FA2H: variants seen among roughly 807,000 people sequenced by gnomAD.
FA2H encodes the protein fatty acid alpha-hydroxylase.
Under a neutral mutation model 44.9 loss-of-function variants are expected in FA2H, and 22 were observed. The observed-to-expected ratio is 0.49, with a 90% CI of 0.35 to 0.70. The LOEUF (loss-of-function observed/expected upper bound fraction) is 0.70. FA2H is among the 30% of genes least tolerant of loss of function. FA2H has a pLI of 0.01. For synonymous variants in FA2H, 243 were observed against 213.2 expected (o/e 1.14, Z -1.22); for missense variants, 501 against 504.9 (o/e 0.99, Z 0.07).
At chr16:74,743,885 A>C (rs1962362999) in intron 1 of FA2H, among the ~76,000 whole-genome samples, 2 of 152,334 alleles carry the variant, frequency 1.3e-5, no homozygotes, top group South Asian at 4.1e-4. Context: ...AACCAGAGCC[A>C]GCGTCACGCG....
At chr16:74,731,236 C>T (rs557220952) in intron 2 of FA2H, among the ~76,000 whole-genome samples, 4 of 148,266 alleles carry the variant, frequency 2.7e-5, no homozygotes, top group African/African-American at 5.0e-5. Flanking sequence ...TGGGTTCAAG[C>T]GATTCTCGCT....
In FA2H at chr16:74,770,616, C is replaced by T. The variant is rs141460439; in HGVS notation, c.270+3870G>A. ...GAACTCCTGGGCTCAAGTGATCCAC[C>T]CACCTTGGCCTCCCAAAGTGCTGGA... is the stretch of plus-strand genomic sequence containing the variant. On this transcript the variant is annotated intron_variant, in intron 1 of 6. Transcript: ENST00000219368. 2.4e-3 allele frequency among the ~76,000 whole-genome samples: 363 copies of T among 152,284 alleles called. 2 individuals carry two copies. The highest frequency in any genetic ancestry group is 8.1e-3 in the African/African-American group (338 of 41,558).
chr16:74,764,541 GA>G (rs1962771103), intron 1 of FA2H, among the ~76,000 whole-genome samples: 1 of 152,090 alleles, frequency 6.6e-6, no homozygotes, highest in Admixed American at 6.6e-5. Flanking sequence ...CACAAAGATG[GA>G]AACAACAGAT....
chr16:74,727,101 A>C lies in FA2H; in HGVS notation c.506+143T>G. ...CCATGCATAGGGATGAATTATTCCC[A>C]TGGCATGTTCCTCCCTCCCTGACAG... On this transcript the variant is annotated intron_variant, in intron 3 of 6. Coordinates refer to ENST00000219368, the MANE Select transcript of FA2H (RefSeq NM_024306.5). The C allele has an allele frequency of 3.5e-6, 4 of 1,154,176 alleles. No individual in the cohort carries two copies. The South Asian group carries it at 5.3e-5, about 15-fold the overall frequency. 71.5% of individuals were successfully genotyped at this position (1,154,176 alleles called of 1,614,324 possible).
Position 74,719,030 on chromosome 16 carries a change from G to A in FA2H, c.744C>T (p.Tyr248=). Reference sequence around the variant, plus strand: ...GCATGACGAAGTGCAGCATGATGAGGTAATAGCTGTCGCTGGGGGGCTTCA... The same window carrying A: ...GCATGACGAAGTGCAGCATGATGAGATAATAGCTGTCGCTGGGGGGCTTCA... ...FHMKPPSDSY[Y]LIMLHFVMHG... is the part of the protein sequence containing the mutation. Residue 248 remains tyrosine, a synonymous_variant, in exon 5 of 7, where the codon TAC becomes TAT. Coordinates refer to ENST00000219368, the MANE Select transcript of FA2H (RefSeq NM_024306.5). 1 of 1,614,012 alleles carries A rather than the reference G, an allele frequency of 6.2e-7. No homozygotes were observed. The highest frequency in any genetic ancestry group is 8.5e-7 in the Non-Finnish European group (1 of 1,180,040).
At chr16:74,735,070 T>A (rs986845996) in intron 2 of FA2H, among the ~76,000 whole-genome samples, 6 of 152,066 alleles carry the variant, frequency 3.9e-5, no homozygotes, top group African/African-American at 1.4e-4. Context: ...ATTCTGGGAG[T>A]TGGGGCCGAT....
intron 1 of FA2H, among the ~76,000 whole-genome samples, chr16:74,756,119 G>A (rs974851300): frequency 6.6e-6 from 1 of 152,188 alleles, no homozygotes; most frequent in African/African-American, 2.4e-5. Flanking sequence ...GAGGTGCCAT[G>A]TTCCCCCTAG....
chr16:74,724,045 G>A (rs1961896868), intron 4 of FA2H, among the ~76,000 whole-genome samples: 1 of 152,034 alleles, frequency 6.6e-6, no homozygotes. Flanking sequence ...GAGATTACAG[G>A]CACACACCAT....
intron 1 of FA2H, among the ~76,000 whole-genome samples, chr16:74,741,011 T>C (rs1287616196): frequency 6.6e-6 from 1 of 152,206 alleles, no homozygotes; most frequent in Non-Finnish European, 1.5e-5. Context: ...GGCAGAGCAG[T>C]GCCCAAGTGG....
At chr16:74,717,764 A>G (rs1266152480) in intron 5 of FA2H, among the ~76,000 whole-genome samples, 1 of 152,244 alleles carries the variant, frequency 6.6e-6, no homozygotes, top group Non-Finnish European at 1.5e-5. Context: ...GTGTCTCAAA[A>G]GAGGGAGCCT....
intron 2 of FA2H, among the ~76,000 whole-genome samples, chr16:74,732,924 G>C (rs1176519352): frequency 6.6e-6 from 1 of 152,194 alleles, no homozygotes; most frequent in African/African-American, 2.4e-5. Flanking sequence ...GGTGGGAACA[G>C]AGCCCCAGCA....
intron 2 of FA2H, among the ~76,000 whole-genome samples, chr16:74,729,434 G>A (rs576261039): frequency 6.6e-5 from 10 of 152,322 alleles, no homozygotes; most frequent in South Asian, 6.2e-4. Flanking sequence ...GTGCCACTAC[G>A]CAGGCTTTAT....
At chr16:74,731,765 C>T (rs536371034) in intron 2 of FA2H, among the ~76,000 whole-genome samples, 1 of 152,334 alleles carries the variant, frequency 6.6e-6, no homozygotes, top group East Asian at 1.9e-4. Context: ...ACTATCTCCT[C>T]TATTGACTTT....
chr16:74,734,865 G>A (rs1962150346), intron 2 of FA2H, among the ~76,000 whole-genome samples: 1 of 152,354 alleles, frequency 6.6e-6, no homozygotes, highest in African/African-American at 2.4e-5. Context: ...CCACAGCGAT[G>A]AGCTAAGGCA....
chr16:74,764,005 C>A (rs1460511217), intron 1 of FA2H, among the ~76,000 whole-genome samples: 1 of 152,190 alleles, frequency 6.6e-6, no homozygotes, highest in Admixed American at 6.5e-5. Flanking sequence ...GTTTTGGAGG[C>A]AGTGTTTCAC....
intron 2 of FA2H, among the ~76,000 whole-genome samples, 198 bp downstream of exon 2, chr16:74,739,825 C>T (rs1218213779): frequency 2.6e-5 from 4 of 152,180 alleles, no homozygotes; most frequent in African/African-American, 4.8e-5. Flanking sequence ...GAACTTTCCA[C>T]CAGTGAGGCA....
intron 1 of FA2H, among the ~76,000 whole-genome samples, chr16:74,769,454 A>T (rs910028423): frequency 6.6e-6 from 1 of 152,322 alleles, no homozygotes; most frequent in South Asian, 2.1e-4. Context: ...ATCGCCAAGC[A>T]TGAGTACATG....
At chr16:74,748,131 G>C (rs1302521118) in intron 1 of FA2H, among the ~76,000 whole-genome samples, 1 of 152,230 alleles carries the variant, frequency 6.6e-6, no homozygotes, top group Non-Finnish European at 1.5e-5. Context: ...AAATAGGTCC[G>C]TTCCTAGCCC....
chr16:74,761,888 G>A (rs969765093), intron 1 of FA2H, among the ~76,000 whole-genome samples: 11 of 152,170 alleles, frequency 7.2e-5, no homozygotes, highest in African/African-American at 1.9e-4. Context: ...TTGAAAAAGG[G>A]GCAATGAATG....
Sources: allele counts gnomAD v4.1 joint callset (sites outside exome capture counted in the v4.1 genomes callset), GRCh38; gene constraint gnomAD v4.1.1; transcripts MANE v1.5; gene names NCBI Gene and HGNC (gene_info 2026-07-23, HGNC 2026-07-21).